Variants in CCDC102B observed in about 807,000 individuals in gnomAD.
CCDC102B encodes the protein coiled-coil domain containing 102B.
Under a neutral mutation model 57.4 loss-of-function variants are expected in CCDC102B, and 75 were observed. The ratio of observed to expected loss-of-function variants is 1.31; its 90% CI spans 1.08 to 1.58. The LOEUF (loss-of-function observed/expected upper bound fraction) is 1.58, where lower values mean the gene tolerates loss of function less well. CCDC102B is among the 40% of genes most tolerant of loss of function. The probability of loss-of-function intolerance (pLI) is 0.00; values close to 1 mark genes in which losing one functional copy is unlikely to be tolerated. For missense variants in CCDC102B, 636 were observed against 582.6 expected (o/e 1.09, Z -0.94); for synonymous variants, 206 against 201.9 (o/e 1.02, Z -0.17).
At chr18:69,049,878 C>T (rs1023594108) in intron 7 of CCDC102B, among the ~76,000 whole-genome samples, 18 of 151,906 alleles carry the variant, frequency 1.2e-4, no homozygotes, top group Admixed American at 7.2e-4. Context: ...GGCTCAATCT[C>T]GGCTCACTGC....
rs766245415 is a variant in CCDC102B at position 68,874,779 on chromosome 18, A to G, written c.1047A>G (p.Arg349=). ...AAGACAGAGTGATTTGTGAGTTAAGAGCAGAGGTAAGACACTGGGTAAAGA... is the reference window on the plus strand; with the variant it reads ...AAGACAGAGTGATTTGTGAGTTAAGGGCAGAGGTAAGACACTGGGTAAAGA... ...NSKDRVICEL[R]AELERLQAEN... The change falls in exon 5 of 8, where the codon AGA becomes AGG. Residue 349 remains arginine, a synonymous_variant. Transcript: ENST00000360242. The G allele has an allele frequency of 1.3e-6, 2 of 1,570,302 alleles. No individual in the cohort carries two copies. Among genetic ancestry groups the G allele is most frequent in the East Asian group, 2.2e-5 (1 of 44,586 alleles).
intron 6 of CCDC102B, among the ~76,000 whole-genome samples, chr18:68,908,835 G>A (rs570432974): frequency 1.3e-5 from 2 of 152,062 alleles, no homozygotes; most frequent in East Asian, 3.9e-4. Flanking sequence ...TTACATACTA[G>A]GTTTTATTTA....
intron 6 of CCDC102B, among the ~76,000 whole-genome samples, chr18:69,005,422 A>G (rs1599835547): frequency 6.6e-6 from 1 of 152,278 alleles, no homozygotes; most frequent in Middle Eastern, 3.4e-3. Context: ...AGAAATTTAT[A>G]AACTTCTATG....
chr18:68,956,706 A>G lies in CCDC102B; in HGVS notation c.1264-54228A>G, dbSNP rs190088305. 4.8e-5 allele frequency among the ~76,000 whole-genome samples: 7 copies of G among 145,576 alleles called. No individual in the cohort carries two copies. The Admixed American group carries it at 5.1e-4, about 11-fold the overall frequency. ...ATAGTTTTTGAGGAACCTCCAAACT[A>G]TTCTCTGCACAGTGGTAGTACTAAT... is the stretch of plus-strand genomic sequence containing the variant. On this transcript the variant is annotated intron_variant, in intron 6 of 7. Transcript: ENST00000360242.
chr18:69,015,474 C>T (rs887990796), intron 7 of CCDC102B, among the ~76,000 whole-genome samples: 3 of 152,118 alleles, frequency 2.0e-5, no homozygotes, highest in African/African-American at 7.2e-5. Context: ...TTGATTTCTC[C>T]TTGAAAGGAA....
At chr18:68,809,262 G>A (rs2036154649) in intron 1 of CCDC102B, among the ~76,000 whole-genome samples, 1 of 152,112 alleles carries the variant, frequency 6.6e-6, no homozygotes, top group Non-Finnish European at 1.5e-5. Flanking sequence ...AGAAATTTTA[G>A]AAAGTAAAGT....
At chr18:68,877,232 C>T (rs953142574) in intron 5 of CCDC102B, among the ~76,000 whole-genome samples, 13 of 152,064 alleles carry the variant, frequency 8.5e-5, no homozygotes, top group African/African-American at 1.9e-4. Context: ...AGCTCAATGA[C>T]GATTGTGATG....
chr18:68,834,331 T>C (rs1467400124), intron 1 of CCDC102B, among the ~76,000 whole-genome samples: 3 of 151,702 alleles, frequency 2.0e-5, no homozygotes, highest in African/African-American at 7.2e-5. Flanking sequence ...AAGTTTAATA[T>C]GCTGAATTAA....
intron 6 of CCDC102B, among the ~76,000 whole-genome samples, chr18:68,945,122 C>CCACACACACACACACA (rs34611934): frequency 0.021 from 2,980 of 143,978 alleles, 73 homozygotes; most frequent in African/African-American, 0.05. Flanking sequence ...CTCTCTCTCT[C>CCACACACACACACACA]CACACACACA....
rs552881541 is a variant in CCDC102B at position 68,836,693 on chromosome 18, T to G, written c.-15-56T>G. 5.9e-6 allele frequency: 8 copies of G among 1,353,312 alleles called. No individual in the cohort carries two copies. In the East Asian group the frequency reaches 1.6e-4, roughly 28 times the overall value. The allele number at this position is 1,353,312 out of a possible 1,614,324, so 83.8% of individuals were successfully genotyped here. A position where few individuals can be genotyped will look rare whatever the true frequency, so the allele number is the denominator to read the frequency against. On this transcript the variant is annotated intron_variant, in intron 1 of 7. Coordinates refer to ENST00000360242, the MANE Select transcript of CCDC102B (RefSeq NM_024781.3). ...AAAAAAAAAAAAGTGTAGGTCTTGT[T>G]CCTGTATTTACAAGGGAAATTTCAG...
intron 7 of CCDC102B, among the ~76,000 whole-genome samples, chr18:69,042,311 A>G (rs1237365909): frequency 6.6e-6 from 1 of 152,134 alleles, no homozygotes; most frequent in Non-Finnish European, 1.5e-5. Context: ...GCAAAATTTA[A>G]GGGATAACTT....
intron 2 of CCDC102B, among the ~76,000 whole-genome samples, chr18:68,728,923 G>T (rs993076333): frequency 5.9e-5 from 9 of 151,322 alleles, no homozygotes; most frequent in Non-Finnish European, 1.3e-4. Context: ...CATGGATAAG[G>T]CACCATATAT....
At chr18:68,767,192 T>A (rs1417495070) in intron 2 of CCDC102B, among the ~76,000 whole-genome samples, 1 of 152,216 alleles carries the variant, frequency 6.6e-6, no homozygotes, top group African/African-American at 2.4e-5. Flanking sequence ...GAAACTCATT[T>A]CTTGTAGTGT....
chr18:68,915,061 T>C (rs2041019552), intron 6 of CCDC102B, among the ~76,000 whole-genome samples: 1 of 152,152 alleles, frequency 6.6e-6, no homozygotes, highest in Non-Finnish European at 1.5e-5. Context: ...TATATTTTGT[T>C]ATTGGTAATC....
At chr18:68,765,320 GGAAGGAAAGAAA>G (rs1424237312) in intron 2 of CCDC102B, among the ~76,000 whole-genome samples, 399 of 40,570 alleles carry the variant, frequency 9.8e-3, no homozygotes, top group Admixed American at 0.016. Flanking sequence ...AAGGAAGGAA[GGAAGGAAAGAAA>G]GAAAGAAAGA....
intron 6 of CCDC102B, among the ~76,000 whole-genome samples, chr18:68,901,767 G>C (rs1407253190): frequency 6.6e-6 from 1 of 151,890 alleles, no homozygotes; most frequent in East Asian, 1.9e-4. Context: ...GTCTTTTTCT[G>C]AAACTCATGG....
At chr18:68,836,675 A>G (rs1301249973) in intron 1 of CCDC102B, 74 bp from the exon 2 acceptor site, 11 of 1,206,182 alleles carry the variant, frequency 9.1e-6, no homozygotes, top group African/African-American at 1.5e-5. Flanking sequence ...AAAAAAAAAA[A>G]AAAAGTGTAG....
rs146012810 is a variant in CCDC102B at position 69,048,990 on chromosome 18, G to T, written c.1435-5040G>T. 1.3e-3 allele frequency among the ~76,000 whole-genome samples: 195 copies of T among 151,632 alleles called. 1 individual carries two copies. The East Asian group carries it at 0.015, about 12-fold the overall frequency. On this transcript the variant is annotated intron_variant, in intron 7 of 7. Coordinates refer to ENST00000360242, the MANE Select transcript of CCDC102B (RefSeq NM_024781.3). ...ATTAGGTAAAAATGTAACATTAAAA[G>T]AATCTGAAATTCCTGTATGTTACCA...
chr18:68,960,347 T>TTA (rs71176922), intron 6 of CCDC102B, among the ~76,000 whole-genome samples: 1 of 152,122 alleles, frequency 6.6e-6, no homozygotes, highest in African/African-American at 2.4e-5. Flanking sequence ...ATTGGGGGCC[T>TTA]GATGCCCTAT....
Sources: allele counts gnomAD v4.1 joint callset (sites outside exome capture counted in the v4.1 genomes callset), GRCh38; gene constraint gnomAD v4.1.1; transcripts MANE v1.5; gene names NCBI Gene and HGNC (gene_info 2026-07-23, HGNC 2026-07-21).